Variants in PAPOLA observed in about 807,000 individuals in gnomAD.
PAPOLA encodes poly(A) polymerase alpha.
PAPOLA carries 15 observed loss-of-function variants against 100.6 expected under a neutral mutation model. The observed-to-expected ratio is 0.15, with a 90% CI of 0.10 to 0.23. The LOEUF is 0.23. Among genes scored for constraint, PAPOLA ranks in the 10% least tolerant of loss-of-function variants. The probability of loss-of-function intolerance (pLI) is 1.00; values close to 1 mark genes in which losing one functional copy is unlikely to be tolerated. For synonymous variants in PAPOLA, 293 were observed against 300.0 expected, an observed-to-expected ratio of 0.98 and a Z score of 0.24; for missense variants, 533 against 884.2, an observed-to-expected ratio of 0.60 and a Z score of 5.04.
chr14:96,519,297 T>C (rs2140251571), intron 1 of PAPOLA, among the ~76,000 whole-genome samples: 1 of 152,278 alleles, frequency 6.6e-6, no homozygotes, highest in Middle Eastern at 3.4e-3. Context: ...TCTTTCCTTA[T>C]TGTGTACTTG....
intron 16 of PAPOLA, among the ~76,000 whole-genome samples, chr14:96,548,164 C>T (rs1056542927): frequency 3.3e-5 from 5 of 152,156 alleles, no homozygotes; most frequent in Middle Eastern, 3.4e-3. Flanking sequence ...TGTATATACC[C>T]GTATTCTCTT....
intron 1 of PAPOLA, among the ~76,000 whole-genome samples, chr14:96,516,148 A>C (rs149059318): frequency 1.4e-3 from 213 of 152,298 alleles, no homozygotes; most frequent in African/African-American, 4.9e-3. Context: ...AAGTGTTACA[A>C]TATTTAATGT....
At chr14:96,522,686 T>A (rs1898102897) in intron 3 of PAPOLA, among the ~76,000 whole-genome samples, 1 of 152,158 alleles carries the variant, frequency 6.6e-6, no homozygotes, top group African/African-American at 2.4e-5. Flanking sequence ...ATTACAGGGG[T>A]GAGCCACTGC....
intron 16 of PAPOLA, among the ~76,000 whole-genome samples, chr14:96,548,939 A>C (rs2140314352): frequency 1.3e-5 from 2 of 152,350 alleles, no homozygotes; most frequent in South Asian, 4.1e-4. Context: ...TGCCTTGTTC[A>C]AATTCAGGCT....
intron 16 of PAPOLA, among the ~76,000 whole-genome samples, chr14:96,549,700 T>G (rs756851634): frequency 3.9e-4 from 59 of 152,212 alleles, no homozygotes; most frequent in Admixed American, 9.2e-4. Context: ...TCAAGCAGTT[T>G]TATTTTAAAA....
chr14:96,532,816 A>G (rs79971494), intron 9 of PAPOLA, 167 bp downstream of exon 9: 2 of 1,335,378 alleles, frequency 1.5e-6, no homozygotes, highest in Non-Finnish European at 1.9e-6. Context: ...AACTGAAACT[A>G]TTTTTTTTCC....
intron 15 of PAPOLA, among the ~76,000 whole-genome samples, chr14:96,547,216 A>G (rs1455906146): frequency 2.6e-5 from 4 of 152,082 alleles, no homozygotes; most frequent in Non-Finnish European, 5.9e-5. Context: ...TATGTTTTGT[A>G]TGACCGACTT....
intron 20 of PAPOLA, among the ~76,000 whole-genome samples, chr14:96,561,967 T>C (rs1394510840): frequency 1.3e-5 from 2 of 152,060 alleles, no homozygotes; most frequent in Admixed American, 6.6e-5. Flanking sequence ...CAATCTCGGC[T>C]CACTGCAACC....
chr14:96,531,036 T>C (rs548360944), intron 6 of PAPOLA, among the ~76,000 whole-genome samples: 4 of 151,402 alleles, frequency 2.6e-5, no homozygotes, highest in South Asian at 2.1e-4. Flanking sequence ...GGAGTGTTGC[T>C]CTGTCACCCA....
At chr14:96,532,223 T>C in intron 7 of PAPOLA, 108 bp from the exon 8 acceptor site, 2 of 1,415,556 alleles carry the variant, frequency 1.4e-6, no homozygotes, top group Non-Finnish European at 1.8e-6. Context: ...TCAGAAAATT[T>C]GGAAGCATTA....
intron 7 of PAPOLA, 153 bp downstream of exon 7, chr14:96,531,739 G>T: frequency 6.8e-7 from 1 of 1,476,394 alleles, no homozygotes; most frequent in Admixed American, 2.4e-5. Context: ...CTACAGAAGA[G>T]TATGTAGTAG....
intron 1 of PAPOLA, among the ~76,000 whole-genome samples, chr14:96,512,587 C>T (rs1297632065): frequency 5.9e-5 from 9 of 152,092 alleles, no homozygotes; most frequent in African/African-American, 1.4e-4. Context: ...TGACTTAATA[C>T]GTGGGTTATG....
intron 17 of PAPOLA, 133 bp downstream of exon 17, chr14:96,552,755 A>T (rs1005701946): frequency 3.9e-6 from 3 of 777,932 alleles, no homozygotes; most frequent in African/African-American, 3.6e-5. Flanking sequence ...TTTAAATAGC[A>T]ATTTAATTCC....
intron 17 of PAPOLA, among the ~76,000 whole-genome samples, chr14:96,555,337 T>TGCTA (rs973438025): frequency 1.9e-4 from 29 of 150,314 alleles, no homozygotes; most frequent in African/African-American, 6.6e-4. Flanking sequence ...CCTCCCAGAG[T>TGCTA]GCTAGGGTTA....
chr14:96,533,423 C>A (rs971469917), intron 9 of PAPOLA: 1 of 980,690 alleles, frequency 1.0e-6, no homozygotes. Context: ...GAGCTGTGTT[C>A]AACTGGAGGA....
At chr14:96,513,754 A>G (rs1276295643) in intron 1 of PAPOLA, among the ~76,000 whole-genome samples, 1 of 152,194 alleles carries the variant, frequency 6.6e-6, no homozygotes, top group Non-Finnish European at 1.5e-5. Context: ...AAATTGATTG[A>G]AGAATTCTTT....
intron 2 of PAPOLA, 146 bp from the exon 3 acceptor site, chr14:96,520,848 AAGCGAGAGAGAG>A: frequency 1.8e-6 from 1 of 548,684 alleles, no homozygotes; most frequent in Non-Finnish European, 3.4e-6. Context: ...GAGAGAGAGA[AAGCGAGAGAGAG>A]AGCGAGCGAG....
intron 7 of PAPOLA, 188 bp from the exon 8 acceptor site, chr14:96,532,143 C>A: frequency 1.2e-5 from 17 of 1,372,198 alleles, no homozygotes; most frequent in Non-Finnish European, 1.6e-5. Context: ...TAGATTTTTT[C>A]CCCCTCTTTA....
At chr14:96,540,423 T>C (rs1034894185) in intron 12 of PAPOLA, among the ~76,000 whole-genome samples, 1 of 152,104 alleles carries the variant, frequency 6.6e-6, no homozygotes, top group Admixed American at 6.5e-5. Context: ...CTTTTTTTTT[T>C]TTTTTAACCA....
Sources: allele counts gnomAD v4.1 joint callset (sites outside exome capture counted in the v4.1 genomes callset), GRCh38; gene constraint gnomAD v4.1.1; transcripts MANE v1.5; gene names NCBI Gene and HGNC (gene_info 2026-07-23, HGNC 2026-07-21).